ATE1: variants seen among roughly 807,000 people sequenced by gnomAD.
ATE1 encodes the protein arginyltransferase 1, also known as arginyl-tRNA--protein transferase 1.
In ATE1, 36 loss-of-function variants were observed where a neutral mutation model predicts 70.5. The observed-to-expected ratio is 0.51, with a 90% CI of 0.39 to 0.67. ATE1 has a LOEUF of 0.67. ATE1 is among the 30% of genes least tolerant of loss of function. ATE1 has a pLI of 0.00. For synonymous variants in ATE1, 232 were observed against 219.3 expected (o/e 1.06, Z -0.51); for missense variants, 593 against 629.5 (o/e 0.94, Z 0.62).
rs1951441249 is a variant in ATE1, at chr10:121,911,753, G to T, written c.338-602C>A. On this transcript the variant is annotated intron_variant, in intron 4 of 11. Transcript: ENST00000224652. ...GAACTGTTATGTGAGGAAAGAAACA[G>T]ACTTTTTTTTTTTTGAGGAGTCTCC... Among the ~76,000 whole-genome samples, 5 of 136,662 alleles carry T rather than the reference G, an allele frequency of 3.7e-5. No individual in the cohort carries two copies. In the South Asian group the frequency reaches 1.1e-3, roughly 31 times the overall value. 89.7% of individuals were successfully genotyped at this position (136,662 alleles called of 152,430 possible).
At chr10:121,867,122 CATTT>C (rs1339292540) in intron 8 of ATE1, among the ~76,000 whole-genome samples, 3 of 152,152 alleles carry the variant, frequency 2.0e-5, no homozygotes, top group Admixed American at 6.5e-5. Flanking sequence ...TTCATTCATT[CATTT>C]GTTCATTCAT....
chr10:121,791,996 A>T (rs1946472430), intron 10 of ATE1, among the ~76,000 whole-genome samples: 1 of 152,232 alleles, frequency 6.6e-6, no homozygotes, highest in African/African-American at 2.4e-5. Flanking sequence ...ACCACGTCCT[A>T]TTAGCTCGCA....
chr10:121,910,282 A>G (rs1209017964), intron 5 of ATE1, among the ~76,000 whole-genome samples: 1 of 152,206 alleles, frequency 6.6e-6, no homozygotes, highest in Non-Finnish European at 1.5e-5. Context: ...AAACTGACAC[A>G]TCTAATAAAC....
intron 10 of ATE1, among the ~76,000 whole-genome samples, chr10:121,831,203 T>C (rs1001639417): frequency 1.3e-5 from 2 of 152,222 alleles, no homozygotes; most frequent in Non-Finnish European, 2.9e-5. Context: ...CCAGTGAACA[T>C]TGTTAGATAC....
intron 3 of ATE1, among the ~76,000 whole-genome samples, chr10:121,920,670 T>C (rs982270504): frequency 2.0e-5 from 3 of 152,014 alleles, no homozygotes; most frequent in Non-Finnish European, 2.9e-5. Context: ...TGTAGGAAAA[T>C]AGACTTTGGT....
intron 5 of ATE1, 101 bp downstream of exon 5, chr10:121,910,805 G>C: frequency 4.0e-6 from 6 of 1,504,660 alleles, no homozygotes; most frequent in Non-Finnish European, 5.5e-6. Flanking sequence ...CAGACTGCAC[G>C]ACTAAGTCAT....
intron 10 of ATE1, among the ~76,000 whole-genome samples, chr10:121,793,010 A>G (rs575261652): frequency 6.6e-6 from 1 of 152,236 alleles, no homozygotes; most frequent in Non-Finnish European, 1.5e-5. Context: ...GAAAATTTTG[A>G]CAAAACATAT....
At chr10:121,908,046 T>C (rs1951271232) in intron 5 of ATE1, among the ~76,000 whole-genome samples, 1 of 152,086 alleles carries the variant, frequency 6.6e-6, no homozygotes, top group Non-Finnish European at 1.5e-5. Flanking sequence ...CAGGATTATG[T>C]CGAAAGGCCT....
chr10:121,829,712 A>C (rs2133683762), intron 10 of ATE1, among the ~76,000 whole-genome samples: 1 of 152,206 alleles, frequency 6.6e-6, no homozygotes, highest in South Asian at 2.1e-4. Flanking sequence ...CTGTCTCAAA[A>C]AAAAAGAAAA....
intron 5 of ATE1, among the ~76,000 whole-genome samples, chr10:121,906,387 G>T (rs1407342187): frequency 6.6e-6 from 1 of 152,072 alleles, no homozygotes; most frequent in Non-Finnish European, 1.5e-5. Context: ...AAATTAGCCA[G>T]GTGTAGTGAC....
intron 8 of ATE1, among the ~76,000 whole-genome samples, chr10:121,854,133 T>C (rs1272747847): frequency 6.6e-6 from 1 of 152,210 alleles, no homozygotes; most frequent in Non-Finnish European, 1.5e-5. Flanking sequence ...TGGGTTATTT[T>C]ACAACTCTGC....
At chr10:121,905,087 C>T (rs1382061447) in intron 5 of ATE1, among the ~76,000 whole-genome samples, 2 of 152,142 alleles carry the variant, frequency 1.3e-5, no homozygotes, top group Non-Finnish European at 2.9e-5. Context: ...AGGTCATGGA[C>T]GAGGCTCTGT....
At chr10:121,911,261 C>T (rs1951413990) in intron 4 of ATE1, 110 bp from the exon 5 acceptor site, 1 of 1,324,940 alleles carries the variant, frequency 7.5e-7, no homozygotes, top group Non-Finnish European at 1.0e-6. Context: ...TACTATCTGT[C>T]CACCAAATCC....
intron 10 of ATE1, among the ~76,000 whole-genome samples, chr10:121,830,739 T>C (rs1005648737): frequency 6.6e-6 from 1 of 152,204 alleles, no homozygotes; most frequent in Non-Finnish European, 1.5e-5. Flanking sequence ...TCCCAAAATA[T>C]GATGCCAGGA....
chr10:121,789,450 C>A (rs1339128304), intron 11 of ATE1, among the ~76,000 whole-genome samples: 3 of 152,082 alleles, frequency 2.0e-5, no homozygotes, highest in Non-Finnish European at 4.4e-5. Context: ...AGGCACCCAT[C>A]ATCATGCCCA....
chr10:121,874,429 C>T (rs1949963827), intron 7 of ATE1, among the ~76,000 whole-genome samples: 1 of 152,020 alleles, frequency 6.6e-6, no homozygotes, highest in Non-Finnish European at 1.5e-5. Flanking sequence ...ACAAATAAAA[C>T]CTTCAAAGCA....
chr10:121,803,329 C>T (rs1255210105), intron 10 of ATE1, among the ~76,000 whole-genome samples: 29 of 152,076 alleles, frequency 1.9e-4, no homozygotes, highest in Admixed American at 1.9e-3. Flanking sequence ...CTCAGACTTC[C>T]CTAGTTGCAT....
chr10:121,829,249 C>A (rs1948141398), intron 10 of ATE1, among the ~76,000 whole-genome samples: 1 of 152,032 alleles, frequency 6.6e-6, no homozygotes, highest in Non-Finnish European at 1.5e-5. Context: ...ATAGTAAAAC[C>A]CCATCTTTAT....
intron 11 of ATE1, among the ~76,000 whole-genome samples, chr10:121,758,360 C>T (rs557958396): frequency 6.6e-6 from 1 of 152,272 alleles, no homozygotes; most frequent in Non-Finnish European, 1.5e-5. Context: ...AGTCATAAGA[C>T]TAATTTCCAA....
Sources: gnomAD v4.1 joint callset for allele counts (sites outside exome capture counted in the v4.1 genomes callset) on GRCh38, gnomAD v4.1.1 for gene constraint, MANE v1.5 for transcripts, NCBI Gene and HGNC (gene_info 2026-07-23, HGNC 2026-07-21) for gene names.